The following CSMD3 variants were observed in gnomAD, a reference collection of about 807,000 sequenced individuals.
The protein encoded by CSMD3 is CUB and Sushi multiple domains 3, also known as CUB and sushi domain-containing protein 3.
In CSMD3, 177 loss-of-function variants were observed where a neutral mutation model predicts 435.2. The ratio of observed to expected loss-of-function variants is 0.41; its 90% CI spans 0.36 to 0.46. The LOEUF is 0.46. Among genes scored for constraint, CSMD3 ranks in the 20% least tolerant of loss-of-function variants. The probability of loss-of-function intolerance (pLI) is 0.34; values close to 1 mark genes in which losing one functional copy is unlikely to be tolerated. For missense variants in CSMD3, 4,265 were observed against 4,504.6 expected, an observed-to-expected ratio of 0.95 and a Z score of 1.52; for synonymous variants, 1,656 against 1,520.5, an observed-to-expected ratio of 1.09 and a Z score of -2.07.
intron 10 of CSMD3, 44 bp downstream of exon 10, chr8:112,921,583 A>G (rs2082745416): frequency 6.6e-7 from 1 of 1,505,330 alleles, no homozygotes; most frequent in Admixed American, 1.7e-5. Flanking sequence ...AATAAAGGTT[A>G]AACTATTAAA....
At chr8:113,354,608 A>C (rs2094209716) in intron 1 of CSMD3, among the ~76,000 whole-genome samples, 1 of 152,144 alleles carries the variant, frequency 6.6e-6, no homozygotes, top group Admixed American at 6.6e-5. Context: ...AAAGTAACAT[A>C]ACATAGAAAT....
At chr8:112,909,316 C>T (rs528622071) in intron 10 of CSMD3, among the ~76,000 whole-genome samples, 1 of 151,554 alleles carries the variant, frequency 6.6e-6, no homozygotes, top group African/African-American at 2.4e-5. Flanking sequence ...TTGCCCCAAA[C>T]TAAAAAAATA....
intron 36 of CSMD3, among the ~76,000 whole-genome samples, chr8:112,384,996 G>C (rs1257544048): frequency 6.6e-6 from 1 of 152,152 alleles, no homozygotes; most frequent in Non-Finnish European, 1.5e-5. Context: ...AAATTATTGA[G>C]TGTCTAACAA....
chr8:112,306,169 C>T lies in CSMD3; in HGVS notation c.7909G>A (p.Ala2637Thr). The T allele has an allele frequency of 6.2e-7, 1 of 1,613,416 alleles. No individual in the cohort carries two copies. Among genetic ancestry groups the T allele is most frequent in the African/African-American group, 1.3e-5 (1 of 75,016 alleles). Residue 2637 changes from alanine to threonine, a missense_variant, in exon 51 of 71, where the codon GCT becomes ACT. This residue lies in a region of CSMD3 where 3,255 missense variants were observed against 3,380.2 expected (regional missense o/e 0.96). Transcript: ENST00000297405. ...GTTAGTATTCCTCCATTTGTTGGAG[C>T]TTTAGGAATCCCACAGGAAATTGCT... ...CQAISCGIPK[A>T]PTNGGILTTD...
chr8:112,970,888 A>AT (rs1456524155), intron 7 of CSMD3, among the ~76,000 whole-genome samples: 36 of 151,196 alleles, frequency 2.4e-4, no homozygotes, highest in African/African-American at 8.5e-4. Context: ...CGCCCAGCTA[A>AT]TTTTTTGTAT....
At chr8:112,442,263 C>A (rs1815108166) in intron 32 of CSMD3, among the ~76,000 whole-genome samples, 1 of 152,072 alleles carries the variant, frequency 6.6e-6, no homozygotes, top group South Asian at 2.1e-4. Flanking sequence ...TCCCCATGAC[C>A]CAAACACCTC....
At chr8:112,263,358 A>G (rs1816621040) in intron 61 of CSMD3, among the ~76,000 whole-genome samples, 1 of 152,130 alleles carries the variant, frequency 6.6e-6, no homozygotes, top group Non-Finnish European at 1.5e-5. Context: ...ACATAAATAA[A>G]AATAATTTTC....
chr8:112,943,362 T>C (rs1431161821), intron 9 of CSMD3, among the ~76,000 whole-genome samples: 1 of 114 alleles, frequency 8.8e-3, no homozygotes, highest in Non-Finnish European at 0.016. Flanking sequence ...TTATCGATTA[T>C]ACTTTTTGGT....
At chr8:112,948,913 G>T (rs2083708673) in intron 8 of CSMD3, among the ~76,000 whole-genome samples, 1 of 151,776 alleles carries the variant, frequency 6.6e-6, no homozygotes, top group African/African-American at 2.4e-5. Flanking sequence ...GGGAGTTTTT[G>T]GTTTTTATTT....
intron 22 of CSMD3, among the ~76,000 whole-genome samples, chr8:112,617,195 T>C (rs908799077): frequency 1.3e-5 from 2 of 152,176 alleles, no homozygotes; most frequent in Admixed American, 6.6e-5. Flanking sequence ...AATAAAATAA[T>C]ATAGATTATG....
chr8:113,091,008 C>A (rs1466850800), intron 5 of CSMD3, among the ~76,000 whole-genome samples: 3 of 151,992 alleles, frequency 2.0e-5, no homozygotes, highest in African/African-American at 7.2e-5. Flanking sequence ...AATTTCTGGT[C>A]ACTGCACTTA....
chr8:112,548,645 C>T (rs1827404483), intron 27 of CSMD3, among the ~76,000 whole-genome samples: 1 of 152,022 alleles, frequency 6.6e-6, no homozygotes, highest in South Asian at 2.1e-4. Flanking sequence ...GTATATAAAG[C>T]ATTTAACTTG....
In CSMD3 at chr8:112,436,030, C is replaced by T. The variant is rs540181056; in HGVS notation, c.5396-26998G>A. Among the ~76,000 whole-genome samples the T allele has an allele frequency of 3.3e-5, 5 of 152,082 alleles. No homozygotes were observed. In the South Asian group the frequency reaches 8.3e-4, roughly 25 times the overall value. On this transcript the variant is annotated intron_variant, in intron 32 of 70. Transcript: ENST00000297405. Reference sequence around the variant, plus strand: ...ATAAAGATAAATCAGACATGACACACTCTCCCAAATGACTTCCAGTCTAAC... The same window carrying T: ...ATAAAGATAAATCAGACATGACACATTCTCCCAAATGACTTCCAGTCTAAC...
intron 5 of CSMD3, among the ~76,000 whole-genome samples, chr8:113,078,006 A>G (rs140423288): frequency 6.6e-6 from 1 of 152,340 alleles, no homozygotes; most frequent in African/African-American, 2.4e-5. Context: ...ACTTATCAAT[A>G]ATAACTCAAT....
chr8:113,384,339 T>A (rs1322538819), intron 1 of CSMD3, among the ~76,000 whole-genome samples: 1 of 152,186 alleles, frequency 6.6e-6, no homozygotes, highest in Non-Finnish European at 1.5e-5. Context: ...GAGAAAGCAC[T>A]ATTCATTATT....
intron 1 of CSMD3, chr8:113,377,006 T>A (rs1350647139): frequency 9.6e-6 from 12 of 1,254,014 alleles, no homozygotes; most frequent in Admixed American, 4.3e-5. Context: ...CGCAGCCACA[T>A]CTTCTAGGGA....
At chr8:112,250,869 T>C (rs772691341) in intron 63 of CSMD3, among the ~76,000 whole-genome samples, 3 of 151,862 alleles carry the variant, frequency 2.0e-5, no homozygotes, top group East Asian at 1.9e-4. Context: ...AAATGCATTA[T>C]AGAATTTTAA....
At chr8:113,277,127 G>C (rs949847393) in intron 3 of CSMD3, among the ~76,000 whole-genome samples, 1 of 151,870 alleles carries the variant, frequency 6.6e-6, no homozygotes, top group East Asian at 1.9e-4. Flanking sequence ...TTTTTATTAA[G>C]AGCGCTTAGC....
intron 27 of CSMD3, among the ~76,000 whole-genome samples, chr8:112,526,194 A>G (rs1464771805): frequency 6.6e-6 from 1 of 151,820 alleles, no homozygotes; most frequent in Non-Finnish European, 1.5e-5. Flanking sequence ...TATTCAGTGG[A>G]TTTTAATGAA....
Sources: allele counts gnomAD v4.1 joint callset (sites outside exome capture counted in the v4.1 genomes callset), GRCh38; gene constraint gnomAD v4.1.1; regional missense constraint gnomAD v4.1.1; transcripts MANE v1.5; gene names NCBI Gene and HGNC (gene_info 2026-07-23, HGNC 2026-07-21).